The following ATP8A2 variants were observed in gnomAD, a reference collection of about 807,000 sequenced individuals.
The protein encoded by ATP8A2 is phospholipid-transporting ATPase IB.
In ATP8A2, 100 loss-of-function variants were observed where a neutral mutation model predicts 165.6. That is an observed-to-expected ratio of 0.60 (90% confidence interval 0.51 to 0.71). The LOEUF (loss-of-function observed/expected upper bound fraction) is 0.71, where lower values mean the gene tolerates loss of function less well. Among genes scored for constraint, ATP8A2 ranks in the 30% least tolerant of loss-of-function variants. The pLI, the probability that ATP8A2 is intolerant of heterozygous loss-of-function variation, is 0.00. For missense variants in ATP8A2, 1,227 were observed against 1,479.5 expected (o/e 0.83, Z 2.80); for synonymous variants, 543 against 548.8 (o/e 0.99, Z 0.15).
At chr13:25,665,991 T>A (rs1036995200) in intron 24 of ATP8A2, among the ~76,000 whole-genome samples, 2 of 151,102 alleles carry the variant, frequency 1.3e-5, no homozygotes, top group Non-Finnish European at 2.9e-5. Flanking sequence ...CTGTTTCTCT[T>A]TTTTAGTTTC....
chr13:25,628,128 C>T lies in ATP8A2; in HGVS notation c.2211+38429C>T, dbSNP rs577353900. On this transcript the variant is annotated intron_variant, in intron 24 of 36. Coordinates refer to ENST00000381655, the MANE Select transcript of ATP8A2 (RefSeq NM_016529.6). ...ATGTGTGGCTATGGTTCCACAAAGC[C>T]TGACTGGACACTCCTAGGCCACCCT... 3.9e-5 allele frequency among the ~76,000 whole-genome samples: 6 copies of T among 152,250 alleles called. No individual in the cohort carries two copies. The South Asian group carries it at 1.2e-3, about 32-fold the overall frequency.
intron 22 of ATP8A2, 132 bp downstream of exon 22, chr13:25,580,079 C>T: frequency 9.5e-7 from 1 of 1,056,054 alleles, no homozygotes; most frequent in Non-Finnish European, 1.3e-6. Flanking sequence ...ACCGTTAGCT[C>T]TGAATCATTT....
intron 24 of ATP8A2, among the ~76,000 whole-genome samples, chr13:25,650,567 G>T (rs1593136436): frequency 6.6e-6 from 1 of 152,290 alleles, no homozygotes; most frequent in South Asian, 2.1e-4. Context: ...AATAGAAGTA[G>T]TGTTGGGGCC....
intron 1 of ATP8A2, among the ~76,000 whole-genome samples, chr13:25,444,635 G>T (rs970449766): frequency 1.5e-4 from 21 of 143,886 alleles, no homozygotes; most frequent in Non-Finnish European, 2.6e-4. Flanking sequence ...TCAAGCATCT[G>T]TTTTTTTTTT....
At chr13:25,876,438 A>G (rs1952821182) in intron 33 of ATP8A2, among the ~76,000 whole-genome samples, 1 of 152,200 alleles carries the variant, frequency 6.6e-6, no homozygotes. Flanking sequence ...GGGAGGAAAC[A>G]GTGATTGATA....
intron 27 of ATP8A2, among the ~76,000 whole-genome samples, chr13:25,775,440 T>A (rs2044720077): frequency 6.6e-6 from 1 of 152,200 alleles, no homozygotes; most frequent in Admixed American, 6.5e-5. Flanking sequence ...GCTTCTGGGA[T>A]ACTTGGACAC....
chr13:25,652,091 A>T (rs530210857), intron 24 of ATP8A2, among the ~76,000 whole-genome samples: 2 of 152,182 alleles, frequency 1.3e-5, no homozygotes, highest in African/African-American at 2.4e-5. Context: ...GAATCACCTG[A>T]AGTGCTTTTT....
chr13:25,662,890 A>C (rs1263949623), intron 24 of ATP8A2, among the ~76,000 whole-genome samples: 9 of 152,228 alleles, frequency 5.9e-5, no homozygotes, highest in Non-Finnish European at 1.5e-5. Flanking sequence ...TGTCATTTCC[A>C]AGCACCCTGT....
intron 20 of ATP8A2, among the ~76,000 whole-genome samples, chr13:25,578,370 C>T (rs2039676305): frequency 6.6e-6 from 1 of 152,188 alleles, no homozygotes; most frequent in Non-Finnish European, 1.5e-5. Context: ...CTTGGCAGAA[C>T]TGAGTTCAGC....
At chr13:25,918,421 G>A (rs571952273) in intron 33 of ATP8A2, among the ~76,000 whole-genome samples, 14 of 152,202 alleles carry the variant, frequency 9.2e-5, no homozygotes, top group East Asian at 3.9e-4. Context: ...TGGTGGCTCC[G>A]TTGTTGCCCA....
chr13:25,927,023 C>A, intron 33 of ATP8A2: 1 of 414,938 alleles, frequency 2.4e-6, no homozygotes. Context: ...CGCTCCTTCT[C>A]CTTGCCACTC....
At chr13:25,533,932 A>C (rs1036641862) in intron 6 of ATP8A2, among the ~76,000 whole-genome samples, 6 of 152,104 alleles carry the variant, frequency 3.9e-5, no homozygotes, top group Non-Finnish European at 8.8e-5. Context: ...TTTTAGCTGG[A>C]CCTTCTTAAT....
chr13:25,782,360 G>A (rs1044580581), intron 27 of ATP8A2, among the ~76,000 whole-genome samples: 7 of 152,240 alleles, frequency 4.6e-5, no homozygotes, highest in Admixed American at 1.3e-4. Context: ...TGTAAAGGCT[G>A]TGGCTTCATC....
chr13:25,722,699 C>T (rs1473402576), intron 25 of ATP8A2, among the ~76,000 whole-genome samples: 1 of 152,116 alleles, frequency 6.6e-6, no homozygotes, highest in Non-Finnish European at 1.5e-5. Flanking sequence ...ACCAAAAATG[C>T]ATATAACTTA....
intron 24 of ATP8A2, among the ~76,000 whole-genome samples, chr13:25,689,554 T>A (rs2042678414): frequency 6.6e-6 from 1 of 152,330 alleles, no homozygotes; most frequent in East Asian, 1.9e-4. Flanking sequence ...TTAGAAATAG[T>A]AAGCAGAATA....
intron 25 of ATP8A2, among the ~76,000 whole-genome samples, chr13:25,745,365 C>T (rs1159343997): frequency 3.9e-5 from 6 of 152,264 alleles, no homozygotes; most frequent in East Asian, 3.9e-4. Flanking sequence ...ATGCCGTGAG[C>T]GTTTGATGTC....
chr13:25,983,988 T>C (rs1956222313), intron 35 of ATP8A2, among the ~76,000 whole-genome samples: 1 of 151,892 alleles, frequency 6.6e-6, no homozygotes. Flanking sequence ...ATCCAAGCAC[T>C]TTGGGAGGCC....
intron 33 of ATP8A2, among the ~76,000 whole-genome samples, chr13:25,882,258 C>T (rs561966477): frequency 5.7e-4 from 86 of 152,168 alleles, no homozygotes; most frequent in African/African-American, 2.0e-3. Flanking sequence ...GAGTTAAGTG[C>T]CAAACCAAGT....
chr13:25,720,405 G>T (rs572420165), intron 25 of ATP8A2, among the ~76,000 whole-genome samples: 3 of 151,818 alleles, frequency 2.0e-5, no homozygotes, highest in Admixed American at 1.3e-4. Flanking sequence ...CTTGTGATCC[G>T]CCTGCCTCGG....
Sources: allele counts gnomAD v4.1 joint callset (sites outside exome capture counted in the v4.1 genomes callset), GRCh38; gene constraint gnomAD v4.1.1; transcripts MANE v1.5; gene names NCBI Gene and HGNC (gene_info 2026-07-23, HGNC 2026-07-21).